TJP1: variants seen among roughly 807,000 people sequenced by gnomAD.
TJP1 encodes the protein tight junction protein ZO-1.
Under a neutral mutation model 194.2 loss-of-function variants are expected in TJP1, and 43 were observed. The ratio of observed to expected loss-of-function variants is 0.22; its 90% confidence interval spans 0.17 to 0.29. TJP1 has a LOEUF of 0.29. TJP1 is among the 10% of genes least tolerant of loss of function. The pLI is 1.00. For synonymous variants in TJP1, 801 were observed against 779.0 expected (o/e 1.03, Z -0.47); for missense variants, 1,971 against 2,185.7 (o/e 0.90, Z 1.96).
At chr15:29,836,674 T>C (rs1271162684) in intron 2 of TJP1, among the ~76,000 whole-genome samples, 2 of 152,088 alleles carry the variant, frequency 1.3e-5, no homozygotes, top group Non-Finnish European at 2.9e-5. Flanking sequence ...AATTCATGAG[T>C]TGAAACTTAA....
intron 4 of TJP1, 37 bp from the exon 5 acceptor site, chr15:29,766,579 T>C (rs750694513): frequency 7.3e-6 from 11 of 1,516,932 alleles, no homozygotes; most frequent in African/African-American, 2.8e-5. Context: ...AGTTGACTGA[T>C]TTTCATATAT....
At chr15:29,953,617 A>C (rs1463539446) in intron 2 of TJP1, among the ~76,000 whole-genome samples, 3 of 152,146 alleles carry the variant, frequency 2.0e-5, no homozygotes, top group African/African-American at 7.2e-5. Context: ...TTGCTTGGAA[A>C]ATCAGTTATT....
intron 2 of TJP1, among the ~76,000 whole-genome samples, chr15:29,892,155 G>C (rs1440503485): frequency 6.6e-6 from 1 of 152,194 alleles, no homozygotes; most frequent in Admixed American, 6.5e-5. Flanking sequence ...AGTTTTAGTG[G>C]TCTGGATAGA....
In TJP1 at chr15:29,701,648, G is replaced by A. The variant is rs763522633; in HGVS notation, c.5254C>T (p.Pro1752Ser). The change falls in exon 28 of 28, where the codon CCA (proline) becomes TCA (serine). Residue 1752 changes from proline to serine, a missense_variant. Physicochemically the swap from Pro to Ser is moderately conservative, Grantham distance 74 (BLOSUM62 -1). Transcript: ENST00000614355. ...CAGTTTGCTCCAACGAGATAATTTG[G>A]ATCTCCGGGAAGACACTTGTTTTGC... The part of the protein sequence containing the change: ...TWQNKCLPGD[P>S]NYLVGANCVS... 8 of 1,613,902 alleles carry A rather than the reference G, an allele frequency of 5.0e-6. No homozygotes were observed. The East Asian group carries it at 1.8e-4, about 36-fold the overall frequency.
At chr15:29,958,769 C>T (rs200266171) in intron 1 of TJP1, among the ~76,000 whole-genome samples, 1 of 151,898 alleles carries the variant, frequency 6.6e-6, no homozygotes. Flanking sequence ...TTCATTCCCC[C>T]TCTTTCCCAG....
In TJP1 at chr15:29,708,577, G is replaced by A. The variant is rs1204207899; in HGVS notation, c.4832C>T (p.Pro1611Leu). ...KYQINNISTVPKAIPVSPSAV... is the reference protein window; with the variant it reads ...KYQINNISTVLKAIPVSPSAV... The stretch of plus-strand genomic sequence containing the variant: ...GTCTTACCTCACAGGAATAGCTTTA[G>A]GCACTGTGCTGATATTATTTATTTG... The change falls in exon 25 of 28, where the codon CCT becomes CTT. Residue 1611 changes from proline (P) to leucine (L), a missense_variant. By Grantham distance (98) the Pro-to-Leu change is moderately conservative. This residue lies in a region of TJP1 where 1,108 missense variants were observed against 1,128.5 expected (regional missense o/e 0.98). Transcript: ENST00000614355. 4 of 1,610,592 alleles carry A rather than the reference G, an allele frequency of 2.5e-6. No homozygotes were observed. Among genetic ancestry groups the A allele is most frequent in the African/African-American group, 2.7e-5 (2 of 74,832 alleles).
intron 25 of TJP1, among the ~76,000 whole-genome samples, chr15:29,707,694 G>C (rs768033674): frequency 2.0e-5 from 3 of 152,192 alleles, no homozygotes; most frequent in Non-Finnish European, 1.5e-5. Flanking sequence ...GCTGCAGGGA[G>C]GCTCCAGGTG....
chr15:29,830,694 A>G (rs2050811262), intron 2 of TJP1, among the ~76,000 whole-genome samples: 1 of 151,982 alleles, frequency 6.6e-6, no homozygotes, highest in Non-Finnish European at 1.5e-5. Flanking sequence ...TTTTTTTTTA[A>G]TATAATGCCT....
chr15:29,864,556 G>A (rs997115266), intron 2 of TJP1, among the ~76,000 whole-genome samples: 3 of 152,094 alleles, frequency 2.0e-5, no homozygotes, highest in African/African-American at 7.2e-5. Context: ...GCTCTTTTCA[G>A]CTTCAGTTAC....
chr15:29,876,290 C>T (rs1177752329), intron 2 of TJP1, among the ~76,000 whole-genome samples: 1 of 152,148 alleles, frequency 6.6e-6, no homozygotes, highest in African/African-American at 2.4e-5. Flanking sequence ...GAGGCTGAGG[C>T]GTGTGGATCA....
At chr15:29,862,043 C>A (rs748067924) in intron 2 of TJP1, among the ~76,000 whole-genome samples, 1 of 152,124 alleles carries the variant, frequency 6.6e-6, no homozygotes, top group Non-Finnish European at 1.5e-5. Context: ...AGGGGTCCAA[C>A]TTCATTCCTT....
intron 2 of TJP1, among the ~76,000 whole-genome samples, chr15:29,891,491 T>C (rs890725165): frequency 4.6e-5 from 7 of 152,242 alleles, no homozygotes; most frequent in South Asian, 2.1e-4. Context: ...CTTCACCTTA[T>C]TGCACTTTGC....
intron 2 of TJP1, among the ~76,000 whole-genome samples, chr15:29,833,400 T>G (rs893631021): frequency 6.6e-6 from 1 of 152,040 alleles, no homozygotes; most frequent in African/African-American, 2.4e-5. Flanking sequence ...ATTGGAAAAT[T>G]TTTTGTTTTC....
At chr15:29,888,595 G>A (rs922386347) in intron 2 of TJP1, among the ~76,000 whole-genome samples, 1 of 152,142 alleles carries the variant, frequency 6.6e-6, no homozygotes. Flanking sequence ...AAGCTATGAG[G>A]CATTTAAATA....
chr15:29,756,205 G>GT (rs1399633119), intron 8 of TJP1, among the ~76,000 whole-genome samples: 1 of 152,088 alleles, frequency 6.6e-6, no homozygotes, highest in Non-Finnish European at 1.5e-5. Flanking sequence ...GGCTCTCTCA[G>GT]TATTCCCAGC....
At chr15:29,834,956 T>C (rs1007260362) in intron 2 of TJP1, among the ~76,000 whole-genome samples, 5 of 152,192 alleles carry the variant, frequency 3.3e-5, no homozygotes, top group African/African-American at 1.2e-4. Context: ...TGGACACACA[T>C]GGCGAAGGCA....
At chr15:29,886,498 CAGG>C (rs2053119407) in intron 2 of TJP1, among the ~76,000 whole-genome samples, 1 of 151,278 alleles carries the variant, frequency 6.6e-6, no homozygotes, top group South Asian at 2.1e-4. Context: ...GAGGCTGAGG[CAGG>C]AGGATTCTTT....
At chr15:29,966,078 T>A (rs373177551) in intron 1 of TJP1, among the ~76,000 whole-genome samples, 41 of 152,292 alleles carry the variant, frequency 2.7e-4, no homozygotes, top group African/African-American at 9.1e-4. Context: ...AGAAATTCTG[T>A]GTTTAGAGAA....
intron 2 of TJP1, among the ~76,000 whole-genome samples, chr15:29,851,471 C>T (rs2051639362): frequency 6.6e-6 from 1 of 152,064 alleles, no homozygotes; most frequent in South Asian, 2.1e-4. Flanking sequence ...AAACCAATAT[C>T]TAATTTAAAA....
Sources: allele counts gnomAD v4.1 joint callset (sites outside exome capture counted in the v4.1 genomes callset), GRCh38; gene constraint gnomAD v4.1.1; regional missense constraint gnomAD v4.1.1; transcripts MANE v1.5; gene names NCBI Gene and HGNC (gene_info 2026-07-23, HGNC 2026-07-21).